Variants in CNTN3 observed in about 807,000 individuals in gnomAD.
The protein encoded by CNTN3 is contactin 3.
A neutral mutation model predicts 119.1 loss-of-function variants in CNTN3; 60 were observed. The observed-to-expected ratio is 0.50, with a 90% CI of 0.41 to 0.62. The LOEUF is 0.62. CNTN3 is among the 20% of genes least tolerant of loss of function. The pLI is 0.00. For missense variants in CNTN3, 1,101 were observed against 1,242.4 expected (o/e 0.89, Z 1.71); for synonymous variants, 450 against 438.7 (o/e 1.03, Z -0.32).
In CNTN3 at chr3:74,546,741, C is replaced by A. The variant is rs370076384; in HGVS notation, c.-80-25549G>T. 5.3e-5 allele frequency among the ~76,000 whole-genome samples: 8 copies of A among 152,214 alleles called. No individual in the cohort carries two copies. The East Asian group carries it at 1.2e-3, about 22-fold the overall frequency. On this transcript the variant is annotated intron_variant, in intron 1 of 22. Coordinates refer to ENST00000263665, the MANE Select transcript of CNTN3 (RefSeq NM_020872.3). The stretch of plus-strand genomic sequence containing the variant: ...TGGGACTTGGACTGGCTTCCTTGCT[C>A]CTGAGCTTGCCAACAGCCTATTGTG...
At chr3:74,452,272 A>G in intron 4 of CNTN3, among the ~76,000 whole-genome samples, 1 of 136,138 alleles carries the variant, frequency 7.3e-6, no homozygotes, top group Non-Finnish European at 1.6e-5. Flanking sequence ...ATTCTCTTTG[A>G]AGCAATTGTG....
chr3:74,495,072 C>A (rs1016754131), intron 3 of CNTN3, among the ~76,000 whole-genome samples: 1 of 152,000 alleles, frequency 6.6e-6, no homozygotes, highest in Non-Finnish European at 1.5e-5. Context: ...CTTCATTCCA[C>A]CATGTGGCTA....
chr3:74,364,948 C>A (rs1296127405), intron 9 of CNTN3, among the ~76,000 whole-genome samples: 2 of 152,110 alleles, frequency 1.3e-5, no homozygotes, highest in Non-Finnish European at 2.9e-5. Flanking sequence ...TTTATCCCAT[C>A]AGTTGGAAAT....
rs746341499 is a variant in CNTN3, at chr3:74,299,926, G to C, written c.2108C>G (p.Pro703Arg). 1 of 1,604,546 alleles carries C rather than the reference G, an allele frequency of 6.2e-7. No individual in the cohort carries two copies. The highest frequency in any genetic ancestry group is 8.5e-7 in the Non-Finnish European group (1 of 1,175,486). ...GCCTCCTCCATTGACTTCAGAAGGA[G>C]GCACTTCTGGAACTATACAGGTCAG... ...VRTEEAVPEV[P>R]PSEVNGGGGS... Residue 703 changes from proline to arginine, a missense_variant, in exon 17 of 23, where the codon CCT becomes CGT. Coordinates refer to ENST00000263665, the MANE Select transcript of CNTN3 (RefSeq NM_020872.3).
At chr3:74,499,166 C>T (rs994733622) in intron 3 of CNTN3, among the ~76,000 whole-genome samples, 1 of 151,564 alleles carries the variant, frequency 6.6e-6, no homozygotes, top group Non-Finnish European at 1.5e-5. Flanking sequence ...TGATATACAT[C>T]TAACAAATGA....
chr3:74,289,165 C>T (rs1410180812), intron 19 of CNTN3, among the ~76,000 whole-genome samples: 27 of 152,148 alleles, frequency 1.8e-4, no homozygotes, highest in Admixed American at 1.6e-3. Context: ...TAAATCATTA[C>T]TGAAACTAAG....
chr3:74,594,312 CTTTAAG>C (rs1704758079), intron 1 of CNTN3, among the ~76,000 whole-genome samples: 2 of 116,854 alleles, frequency 1.7e-5, no homozygotes, highest in Admixed American at 9.2e-5. Context: ...AATTATTATA[CTTTAAG>C]TTTTAGTGTA....
chr3:74,584,976 C>T (rs895492742), intron 1 of CNTN3, among the ~76,000 whole-genome samples: 8 of 152,030 alleles, frequency 5.3e-5, no homozygotes, highest in African/African-American at 1.9e-4. Context: ...TCAGGCATCA[C>T]ATATTTACAC....
Position 74,369,323 on chromosome 3 carries a change from C to A in CNTN3, c.812G>T (p.Ser271Ile), listed in dbSNP as rs1704277741. 5.6e-6 allele frequency: 9 copies of A among 1,609,184 alleles called. No individual in the cohort carries two copies. Among genetic ancestry groups the A allele is most frequent in the Non-Finnish European group, 7.6e-6 (9 of 1,177,756 alleles). Residue 271 changes from serine (S) to isoleucine (I), a missense_variant, in exon 8 of 23, where the codon AGC (serine) becomes ATC (isoleucine). Physicochemically the swap from Ser to Ile is moderately radical, Grantham distance 142. Transcript: ENST00000263665. ...WRRSDGLPFSSKIKLRKFSGV... is the reference protein window; with the variant it reads ...WRRSDGLPFSIKIKLRKFSGV... ...ACTGAACTTCCTTAATTTAATTTTGCTGGAAAATGGCAGCCCATCACTTCT... is the reference window on the plus strand; with the variant it reads ...ACTGAACTTCCTTAATTTAATTTTGATGGAAAATGGCAGCCCATCACTTCT...
In CNTN3 at chr3:74,557,727, GA is replaced by G. The variant is rs5850189; in HGVS notation, c.-80-36536del. The stretch of plus-strand genomic sequence containing the variant: ...TTCTCATGCCAGAACAGCAACAGAT[GA>G]AAAAAAAAAAAAAAGAAGGAAATGC... On this transcript the variant is annotated intron_variant, in intron 1 of 22. Transcript: ENST00000263665. Among the ~76,000 whole-genome samples the G allele has an allele frequency of 7.3e-3, 1,006 of 136,926 alleles. 10 individuals are homozygous for G. Among genetic ancestry groups the G allele is most frequent in the East Asian group, 0.048 (225 of 4,706 alleles). The allele number at this position is 136,926 out of a possible 152,430, so 89.8% of individuals were successfully genotyped here. A position where few individuals can be genotyped will look rare whatever the true frequency, so the allele number is the denominator to read the frequency against.
intron 5 of CNTN3, among the ~76,000 whole-genome samples, chr3:74,400,750 C>A (rs1168656436): frequency 6.6e-6 from 1 of 152,130 alleles, no homozygotes; most frequent in African/African-American, 2.4e-5. Flanking sequence ...TCTGGGCATT[C>A]AGCTTTATAA....
chr3:74,311,252 A>T (rs1702678622), intron 13 of CNTN3, among the ~76,000 whole-genome samples: 1 of 152,148 alleles, frequency 6.6e-6, no homozygotes, highest in African/African-American at 2.4e-5. Context: ...GTAGTCTGGC[A>T]ATTCTCTTGA....
chr3:74,313,866 G>A (rs1163579368), intron 13 of CNTN3, among the ~76,000 whole-genome samples: 1 of 152,134 alleles, frequency 6.6e-6, no homozygotes, highest in African/African-American at 2.4e-5. Flanking sequence ...GAAAGGGAAA[G>A]GGGCATGGCT....
chr3:74,307,924 C>G (rs903080441), intron 13 of CNTN3, among the ~76,000 whole-genome samples: 3 of 152,080 alleles, frequency 2.0e-5, no homozygotes, highest in African/African-American at 7.2e-5. Context: ...AAGCAGTCCT[C>G]TTTTTTTATG....
rs965559725 is a variant in CNTN3, at chr3:74,614,447, GCCGCCGCCGCCGCCGCCA to G, written c.-155_-138del. Reference sequence around the variant, plus strand: ...CGACGGCCCACTCGCCGCCGCCGCCGCCGCCGCCGCCGCCGCCACCGCCGCCGCCGCAGTTAGTCCGGG... The same window carrying G: ...CGACGGCCCACTCGCCGCCGCCGCCGCCGCCGCCGCCGCAGTTAGTCCGGG... On this transcript the variant is annotated 5_prime_UTR_variant, in exon 1 of 23. Transcript: ENST00000263665. 6.5e-5 allele frequency among the ~76,000 whole-genome samples: 9 copies of G among 138,088 alleles called. No individual in the cohort carries two copies. The highest frequency in any genetic ancestry group is 2.3e-4 in the South Asian group (1 of 4,362). 90.6% of individuals were successfully genotyped at this position (138,088 alleles called of 152,430 possible).
At chr3:74,559,300 C>G (rs1704117523) in intron 1 of CNTN3, among the ~76,000 whole-genome samples, 1 of 152,008 alleles carries the variant, frequency 6.6e-6, no homozygotes, top group Non-Finnish European at 1.5e-5. Context: ...ATGCAAGGAC[C>G]CAGTGATTTG....
chr3:74,506,132 C>G (rs1187642915), intron 2 of CNTN3, among the ~76,000 whole-genome samples: 1 of 152,150 alleles, frequency 6.6e-6, no homozygotes, highest in East Asian at 1.9e-4. Context: ...AATGTCCACA[C>G]ATATAAAAAT....
At chr3:74,557,139 T>C (rs1367735877) in intron 1 of CNTN3, among the ~76,000 whole-genome samples, 1 of 152,172 alleles carries the variant, frequency 6.6e-6, no homozygotes, top group East Asian at 1.9e-4. Flanking sequence ...CTAATTTTGA[T>C]GAAAATCTGA....
intron 19 of CNTN3, among the ~76,000 whole-genome samples, chr3:74,291,477 C>A (rs1466139264): frequency 6.6e-6 from 1 of 152,160 alleles, no homozygotes; most frequent in Admixed American, 6.5e-5. Context: ...AATTGCCACA[C>A]TGTCTTCCAC....
Sources: allele counts gnomAD v4.1 joint callset (sites outside exome capture counted in the v4.1 genomes callset), GRCh38; gene constraint gnomAD v4.1.1; transcripts MANE v1.5; gene names NCBI Gene and HGNC (gene_info 2026-07-23, HGNC 2026-07-21).